Variants in MKLN1 observed in about 807,000 individuals in gnomAD.
The protein encoded by MKLN1 is muskelin 1.
A neutral mutation model predicts 99.0 loss-of-function variants in MKLN1; 18 were observed. The observed-to-expected ratio is 0.18, with a 90% CI of 0.13 to 0.27. The LOEUF is 0.27. Ranked by LOEUF, MKLN1 falls within the 10% of genes least tolerant of loss-of-function variation. MKLN1 has a pLI of 1.00. For missense variants in MKLN1, 621 were observed against 875.9 expected, an observed-to-expected ratio of 0.71 and a Z score of 3.67; for synonymous variants, 288 against 293.2, an observed-to-expected ratio of 0.98 and a Z score of 0.18.
chr7:131,433,483 T>C (rs1163550348), intron 9 of MKLN1, among the ~76,000 whole-genome samples: 1 of 152,162 alleles, frequency 6.6e-6, no homozygotes, highest in Non-Finnish European at 1.5e-5. Flanking sequence ...AAATATGCCA[T>C]TACTCATCAA....
upstream of MKLN1, chr7:131,327,239 C>A (rs546197221): frequency 6.6e-6 from 1 of 152,324 alleles, no homozygotes; most frequent in South Asian, 2.1e-4. Context: ...TGTGGGTGAA[C>A]GTCATTCCCG....
chr7:131,368,248 T>G (rs1206720246), intron 1 of MKLN1, among the ~76,000 whole-genome samples: 1 of 152,174 alleles, frequency 6.6e-6, no homozygotes, highest in East Asian at 1.9e-4. Context: ...TGTTTTGAAA[T>G]AAGATCCATT....
chr7:131,401,991 G>A (rs1352520467), intron 6 of MKLN1, among the ~76,000 whole-genome samples: 5 of 152,104 alleles, frequency 3.3e-5, no homozygotes, highest in African/African-American at 1.2e-4. Context: ...GGCTGTGACA[G>A]TTTCTTAAAA....
intron 3 of MKLN1, among the ~76,000 whole-genome samples, chr7:131,241,188 G>A (rs951325140): frequency 1.3e-5 from 2 of 151,964 alleles, no homozygotes; most frequent in Non-Finnish European, 2.9e-5. Context: ...GACCAGGCTG[G>A]CCAACATGGT....
chr7:131,373,283 T>C (rs1162417938), intron 1 of MKLN1, among the ~76,000 whole-genome samples: 1 of 152,094 alleles, frequency 6.6e-6, no homozygotes, highest in Non-Finnish European at 1.5e-5. Context: ...TAATCTCCAA[T>C]TTTTGAATAT....
chr7:131,374,751 G>A (rs1680402906), intron 1 of MKLN1, among the ~76,000 whole-genome samples: 1 of 151,762 alleles, frequency 6.6e-6, no homozygotes, highest in Non-Finnish European at 1.5e-5. Flanking sequence ...GCCTAAAAGT[G>A]CATCTTACTC....
At position 131,491,316 on chromosome 7, in the gene MKLN1, C is replaced by T. The variant is rs1797416846; in HGVS notation, c.*3588C>T. 6.6e-6 allele frequency: 1 copy of T among 151,944 alleles called. No individual in the cohort carries two copies. Among genetic ancestry groups the T allele is most frequent in the African/African-American group, 2.4e-5 (1 of 41,362 alleles). The allele number at this position is 151,944 out of a possible 1,614,324, so 9.4% of individuals were successfully genotyped here. ...GTAGAAATTCTTGCCTGAATTCTCA[C>T]CAAGTTTTGAATTCCTAAGGTAGCC... On this transcript the variant is annotated 3_prime_UTR_variant, in exon 18 of 18. Transcript: ENST00000352689.
intron 3 of MKLN1, among the ~76,000 whole-genome samples, chr7:131,288,824 T>C (rs1345443065): frequency 6.6e-6 from 1 of 152,220 alleles, no homozygotes; most frequent in Non-Finnish European, 1.5e-5. Flanking sequence ...CCACATGACC[T>C]CAGCTTTCTT....
chr7:131,282,928 T>G (rs1473297464), intron 3 of MKLN1, among the ~76,000 whole-genome samples: 8 of 152,184 alleles, frequency 5.3e-5, no homozygotes, highest in African/African-American at 1.7e-4. Flanking sequence ...TTTCCACACG[T>G]GGACCAATCC....
chr7:131,392,902 G>A (rs1034417449), intron 4 of MKLN1, among the ~76,000 whole-genome samples: 3 of 151,774 alleles, frequency 2.0e-5, no homozygotes, highest in Non-Finnish European at 4.4e-5. Flanking sequence ...ACTGCGCCTG[G>A]CCTAATTTTT....
intron 3 of MKLN1, among the ~76,000 whole-genome samples, chr7:131,298,005 C>T (rs997038652): frequency 3.3e-5 from 5 of 152,148 alleles, no homozygotes; most frequent in African/African-American, 1.2e-4. Flanking sequence ...ACATGACGGC[C>T]GGGCGCGGTG....
chr7:131,396,736 AT>A (rs1272156382), intron 4 of MKLN1, among the ~76,000 whole-genome samples: 2 of 152,216 alleles, frequency 1.3e-5, no homozygotes, highest in African/African-American at 4.8e-5. Context: ...TTGAACCATC[AT>A]CTTTCCATTC....
intron 3 of MKLN1, among the ~76,000 whole-genome samples, chr7:131,286,812 G>A (rs1798138858): frequency 6.6e-6 from 1 of 152,198 alleles, no homozygotes; most frequent in Non-Finnish European, 1.5e-5. Context: ...GGTCCCAAAA[G>A]GAGCCCCAAT....
chr7:131,213,260 A>C (rs1237788949), intron 3 of MKLN1, among the ~76,000 whole-genome samples: 1 of 152,120 alleles, frequency 6.6e-6, no homozygotes, highest in African/African-American at 2.4e-5. Flanking sequence ...ATTATTTTTT[A>C]GATGTGTTTA....
chr7:131,292,056 A>G (rs1184672987), intron 3 of MKLN1, among the ~76,000 whole-genome samples: 1 of 152,122 alleles, frequency 6.6e-6, no homozygotes, highest in African/African-American at 2.4e-5. Flanking sequence ...GTAGTGAGCT[A>G]TGACCATGAC....
chr7:131,397,411 T>C, intron 5 of MKLN1, 35 bp downstream of exon 5: 1 of 1,078,932 alleles, frequency 9.3e-7, no homozygotes, highest in Non-Finnish European at 1.4e-6. Context: ...CTTTAATGCC[T>C]ATAAAAGGAG....
rs1026271287 is a variant in MKLN1, at chr7:131,492,710, G to T, written c.*4982G>T. On this transcript the variant is annotated 3_prime_UTR_variant, in exon 18 of 18. Transcript: ENST00000352689. ...TGATTGCGACACTGCACTCCAGCCT[G>T]GGCAACAGAGCAAGACCCTGTCTCA... 1 of 146,378 alleles carries T rather than the reference G, an allele frequency of 6.8e-6. No individual in the cohort carries two copies. Among genetic ancestry groups the T allele is most frequent in the African/African-American group, 2.6e-5 (1 of 38,974 alleles). 9.1% of individuals were successfully genotyped at this position (146,378 alleles called of 1,614,324 possible).
At chr7:131,335,593 C>A in intron 1 of MKLN1, among the ~76,000 whole-genome samples, 1 of 151,910 alleles carries the variant, frequency 6.6e-6, no homozygotes, top group East Asian at 1.9e-4. Flanking sequence ...CCTCTCAACA[C>A]ATTTTAGCTG....
Position 131,445,898 on chromosome 7 carries a change from G to T in MKLN1, c.1520G>T (p.Gly507Val). 6.3e-7 allele frequency: 1 copy of T among 1,595,376 alleles called. No homozygotes were observed. The highest frequency in any genetic ancestry group is 8.6e-7 in the Non-Finnish European group (1 of 1,168,528). The change falls in exon 12 of 18, where the codon GGG becomes GTG. Residue 507 changes from glycine to valine, a missense_variant. This residue lies in a region of MKLN1 where 361 missense variants were observed against 540.8 expected (regional missense o/e 0.67). Coordinates refer to ENST00000352689, the MANE Select transcript of MKLN1 (RefSeq NM_013255.5). ...IISDGTKKDSGMVPMTGFTQR... is the reference protein window; with the variant it reads ...IISDGTKKDSVMVPMTGFTQR... ...TCAGATGGCACCAAGAAAGACTCTG[G>T]GATGGGTAAGGGCATTGAGTGATTT... is the stretch of plus-strand genomic sequence containing the variant.
Sources: gnomAD v4.1 joint callset for allele counts (sites outside exome capture counted in the v4.1 genomes callset) on GRCh38, gnomAD v4.1.1 for gene constraint, gnomAD v4.1.1 regional missense constraint, MANE v1.5 for transcripts, NCBI Gene and HGNC (gene_info 2026-07-23, HGNC 2026-07-21) for gene names.